Variants in PSME4 observed in about 807,000 individuals in gnomAD.
The protein encoded by PSME4 is proteasome activator subunit 4.
Under a neutral mutation model 253.9 loss-of-function variants are expected in PSME4, and 89 were observed. The observed-to-expected ratio is 0.35, with a 90% CI of 0.30 to 0.42. The LOEUF is 0.42. Among genes scored for constraint, PSME4 ranks in the 10% least tolerant of loss-of-function variants. The pLI, the probability that PSME4 is intolerant of heterozygous loss-of-function variation, is 1.00. For missense variants in PSME4, 2,014 were observed against 2,195.2 expected, an observed-to-expected ratio of 0.92 and a Z score of 1.65; for synonymous variants, 851 against 759.2, an observed-to-expected ratio of 1.12 and a Z score of -1.99.
chr2:53,874,972 G>A (rs886964994), intron 42 of PSME4, among the ~76,000 whole-genome samples: 30 of 152,002 alleles, frequency 2.0e-4, no homozygotes, highest in African/African-American at 7.3e-4. Flanking sequence ...CCCACACAAA[G>A]GTAAAAGTCA....
chr2:53,959,938 G>A (rs975365237), intron 1 of PSME4, among the ~76,000 whole-genome samples: 1 of 152,182 alleles, frequency 6.6e-6, no homozygotes, highest in African/African-American at 2.4e-5. Flanking sequence ...ATGTAAAAGT[G>A]AAATAAAATA....
intron 43 of PSME4, among the ~76,000 whole-genome samples, chr2:53,872,416 T>C (rs751739367): frequency 2.6e-5 from 4 of 152,170 alleles, no homozygotes; most frequent in Non-Finnish European, 5.9e-5. Context: ...GCTTTAAAAA[T>C]ATGATAGTTT....
chr2:53,913,819 A>C (rs1667939601), intron 20 of PSME4, among the ~76,000 whole-genome samples: 1 of 152,238 alleles, frequency 6.6e-6, no homozygotes, highest in Non-Finnish European at 1.5e-5. Context: ...AGCTTTTAAA[A>C]ATAAATGAAA....
intron 3 of PSME4, among the ~76,000 whole-genome samples, chr2:53,944,010 C>G (rs567521167): frequency 6.6e-5 from 10 of 152,072 alleles, no homozygotes; most frequent in Non-Finnish European, 1.3e-4. Flanking sequence ...AAAGAGCATA[C>G]ATAATTGTTT....
intron 44 of PSME4, 89 bp downstream of exon 44, chr2:53,869,287 C>T (rs1390364365): frequency 7.7e-7 from 1 of 1,301,838 alleles, no homozygotes; most frequent in African/African-American, 1.5e-5. Context: ...TGGGCACATA[C>T]ATACAAGTTA....
Position 53,892,836 on chromosome 2 carries a change from C to T in PSME4, c.4163G>A (p.Arg1388Lys), listed in dbSNP as rs1191277077. 6.2e-7 allele frequency: 1 copy of T among 1,613,562 alleles called. No individual in the cohort carries two copies. The highest frequency in any genetic ancestry group is 1.7e-5 in the Admixed American group (1 of 59,924). The change falls in exon 36 of 47, where the codon AGA (arginine) becomes AAA (lysine). Residue 1388 changes from arginine to lysine, a missense_variant. By Grantham distance (26) the Arg-to-Lys change is conservative. Transcript: ENST00000404125. Reference protein sequence around the residue: ...CVAEIIAGLIRGSKHWTFEKV... With the variant: ...CVAEIIAGLIKGSKHWTFEKV... ...TTCAAATGTCCAGTGCTTAGAACCT[C>T]TGATTAAACCAGCTATAATTTCTGC... is the stretch of plus-strand genomic sequence containing the variant.
intron 1 of PSME4, among the ~76,000 whole-genome samples, chr2:53,964,835 A>C (rs1670640897): frequency 6.6e-6 from 1 of 152,220 alleles, no homozygotes; most frequent in Non-Finnish European, 1.5e-5. Flanking sequence ...ATCTAATCAA[A>C]TACATTATGT....
intron 30 of PSME4, 58 bp downstream of exon 30, chr2:53,898,243 A>T: frequency 4.1e-6 from 6 of 1,466,700 alleles, no homozygotes; most frequent in Non-Finnish European, 5.6e-6. Context: ...CCATGTAGAA[A>T]ACTCCTATAG....
At position 53,901,500 on chromosome 2, in the gene PSME4, A is replaced by G. The variant is rs150490966; in HGVS notation, c.3135T>C (p.Asp1045=). The G allele has an allele frequency of 6.2e-6, 10 of 1,613,940 alleles. No individual in the cohort carries two copies. Among genetic ancestry groups the G allele is most frequent in the African/African-American group, 5.3e-5 (4 of 74,910 alleles). ...HSGVCLANLH[D]WDCIVQTWPA... is the part of the protein sequence containing the mutation. ...GCCACGTCTGTACAATACAGTCCCA[A>G]TCATGAAGGTTTGCCAAGCACACAC... The change falls in exon 28 of 47, where the codon GAT becomes GAC. Residue 1045 remains aspartate (D), a synonymous_variant. Transcript: ENST00000404125.
intron 6 of PSME4, 37 bp from the exon 7 acceptor site, chr2:53,936,198 G>T (rs1419274629): frequency 1.2e-6 from 2 of 1,610,056 alleles, no homozygotes; most frequent in South Asian, 1.1e-5. Context: ...TAATATATTT[G>T]TTGTTATTGT....
rs1349990439 is a variant in PSME4, at chr2:53,865,388, A to G, written c.*190T>C. The G allele has an allele frequency of 1.3e-5, 2 of 152,428 alleles. No homozygotes were observed. The highest frequency in any genetic ancestry group is 3.9e-4 in the East Asian group (2 of 5,178). The allele number at this position is 152,428 out of a possible 1,614,324, so 9.4% of individuals were successfully genotyped here. A position where few individuals can be genotyped will look rare whatever the true frequency, so the allele number is the denominator to read the frequency against. ...ATCAGTATTCTGGAAACACTTCCGG[A>G]CAAGTTGGGAAATCAAATGGCAACT... On this transcript the variant is annotated 3_prime_UTR_variant, in exon 47 of 47. Coordinates refer to ENST00000404125, the MANE Select transcript of PSME4 (RefSeq NM_014614.3).
chr2:53,887,134 A>C, intron 40 of PSME4, 125 bp downstream of exon 40: 1 of 818,464 alleles, frequency 1.2e-6, no homozygotes, highest in Non-Finnish European at 1.9e-6. Flanking sequence ...ACACTTAAAA[A>C]TGGTTAAAAC....
chr2:53,907,072 T>C (rs1405939454), intron 24 of PSME4, among the ~76,000 whole-genome samples: 1 of 152,124 alleles, frequency 6.6e-6, no homozygotes, highest in African/African-American at 2.4e-5. Flanking sequence ...ATATCCCCCT[T>C]TTAAATAGCC....
At chr2:53,935,010 A>G (rs1272706083) in intron 7 of PSME4, among the ~76,000 whole-genome samples, 1 of 152,234 alleles carries the variant, frequency 6.6e-6, no homozygotes, top group Non-Finnish European at 1.5e-5. Flanking sequence ...ATGGCTAAAT[A>G]TAAAAAGACA....
chr2:53,918,074 C>A (rs1458247944), intron 20 of PSME4, among the ~76,000 whole-genome samples: 1 of 152,126 alleles, frequency 6.6e-6, no homozygotes, highest in Non-Finnish European at 1.5e-5. Flanking sequence ...ACAATGACTA[C>A]ACAAAGTATG....
chr2:53,868,763 CTACT>C (rs1038984713), intron 44 of PSME4, among the ~76,000 whole-genome samples: 10 of 150,946 alleles, frequency 6.6e-5, no homozygotes, highest in East Asian at 3.9e-4. Flanking sequence ...AATAAAATTC[CTACT>C]TACTATTAAT....
chr2:53,917,945 T>C (rs17189545), intron 20 of PSME4, among the ~76,000 whole-genome samples: 5,024 of 152,298 alleles, frequency 0.033, 106 homozygotes, highest in Non-Finnish European at 0.047. Context: ...AACACACTTA[T>C]AACAGATTTC....
chr2:53,897,752 A>T, intron 31 of PSME4, 118 bp downstream of exon 31: 1 of 1,203,112 alleles, frequency 8.3e-7, no homozygotes, highest in Non-Finnish European at 1.2e-6. Context: ...GGAGATTTCA[A>T]ATCAATACAC....
intron 3 of PSME4, among the ~76,000 whole-genome samples, chr2:53,947,814 GAGACC>G (rs1558420331): frequency 6.6e-6 from 1 of 152,066 alleles, no homozygotes; most frequent in Non-Finnish European, 1.5e-5. Flanking sequence ...TCAGGAGTTC[GAGACC>G]AGCCTGGCCA....
Sources: gnomAD v4.1 joint callset for allele counts (sites outside exome capture counted in the v4.1 genomes callset) on GRCh38, gnomAD v4.1.1 for gene constraint, MANE v1.5 for transcripts, NCBI Gene and HGNC (gene_info 2026-07-23, HGNC 2026-07-21) for gene names.